DLGAP2: variants seen among roughly 807,000 people sequenced by gnomAD.
The protein encoded by DLGAP2 is disks large-associated protein 2.
A neutral mutation model predicts 100.3 loss-of-function variants in DLGAP2; 26 were observed. The observed-to-expected ratio is 0.26, with a 90% confidence interval of 0.19 to 0.36. The LOEUF is 0.36. Among genes scored for constraint, DLGAP2 ranks in the 10% least tolerant of loss-of-function variants. DLGAP2 has a pLI of 1.00. For synonymous variants in DLGAP2, 886 were observed against 630.1 expected, an observed-to-expected ratio of 1.41 and a Z score of -6.08; for missense variants, 1,858 against 1,453.2, an observed-to-expected ratio of 1.28 and a Z score of -4.53.
intron 1 of DLGAP2, among the ~76,000 whole-genome samples, chr8:823,942 A>T (rs1241540763): frequency 6.6e-6 from 1 of 152,158 alleles, no homozygotes; most frequent in African/African-American, 2.4e-5. Context: ...ATGGAACCCC[A>T]CTTAGCTTTA....
In DLGAP2 at chr8:1,348,656, A is replaced by C. The variant is rs1019905185; in HGVS notation, c.106+89773A>C. ...TCCCACACAGAGCTGCATTGCTCTC[A>C]TGGTGGCTGTGTGGAGGTTGAGTGC... On this transcript the variant is annotated intron_variant, in intron 3 of 14. Transcript: ENST00000637795. Among the ~76,000 whole-genome samples, 13 of 152,292 alleles carry C rather than the reference A, an allele frequency of 8.5e-5. No homozygotes were observed. The South Asian group carries it at 2.7e-3, about 32-fold the overall frequency.
intron 6 of DLGAP2, among the ~76,000 whole-genome samples, chr8:1,581,840 G>T (rs952358892): frequency 7.0e-6 from 1 of 143,062 alleles, no homozygotes. Flanking sequence ...CAGAAGTGAA[G>T]GATACAGACA....
At chr8:1,642,122 G>C (rs1451323863) in intron 8 of DLGAP2, among the ~76,000 whole-genome samples, 2 of 10,124 alleles carry the variant, frequency 2.0e-4, no homozygotes, top group East Asian at 3.2e-3. Context: ...TGTCACCCTC[G>C]ACCCTGCCGG....
At chr8:1,632,789 G>C in intron 7 of DLGAP2, 38 bp from the exon 8 acceptor site, 1 of 1,556,616 alleles carries the variant, frequency 6.4e-7, no homozygotes, top group Non-Finnish European at 8.7e-7. Context: ...GGTGACCCTG[G>C]AGGGCCGGGG....
At chr8:1,050,656 C>CA (rs1802651218) in intron 2 of DLGAP2, among the ~76,000 whole-genome samples, 2 of 152,222 alleles carry the variant, frequency 1.3e-5, no homozygotes, top group African/African-American at 4.8e-5. Flanking sequence ...ATAATTCTTC[C>CA]AACCCAGTCT....
At chr8:1,660,233 C>G (rs1344909369) in intron 8 of DLGAP2, among the ~76,000 whole-genome samples, 2 of 152,154 alleles carry the variant, frequency 1.3e-5, no homozygotes, top group African/African-American at 4.8e-5. Context: ...ATGGGCTTCC[C>G]TTTGTGTGTA....
intron 2 of DLGAP2, among the ~76,000 whole-genome samples, chr8:1,118,580 A>G (rs1354084086): frequency 1.5e-5 from 2 of 129,072 alleles, no homozygotes; most frequent in African/African-American, 2.9e-5. Flanking sequence ...TTTCTTTTTA[A>G]TCAGTAGAAA....
chr8:1,410,832 ATTT>A (rs33928314), intron 3 of DLGAP2, among the ~76,000 whole-genome samples: 27 of 135,228 alleles, frequency 2.0e-4, no homozygotes, highest in African/African-American at 4.6e-4. Context: ...CTCTGGAGCC[ATTT>A]TTTTTTTTTT....
chr8:1,316,362 A>G lies in DLGAP2; in HGVS notation c.106+57479A>G, dbSNP rs1460292826. ...GCCTGTGCGAGTGCAGCGTCTCTCC[A>G]ACGGTGGTCTACACTCGAGAAACTT... On this transcript the variant is annotated intron_variant, in intron 3 of 14. Coordinates refer to ENST00000637795, the MANE Select transcript of DLGAP2 (RefSeq NM_001346810.2). Among the ~76,000 whole-genome samples the G allele has an allele frequency of 2.2e-5, 3 of 134,990 alleles. No homozygotes were observed. In the East Asian group the frequency reaches 6.7e-4, roughly 30 times the overall value. The allele number at this position is 134,990 out of a possible 152,430, so 88.6% of individuals were successfully genotyped here.
rs554081541 is a variant in DLGAP2, at chr8:1,684,887, A to C, written c.2704+6258A>C. 3.9e-5 allele frequency among the ~76,000 whole-genome samples: 6 copies of C among 152,300 alleles called. No individual in the cohort carries two copies. In the East Asian group the frequency reaches 7.7e-4, roughly 20 times the overall value. On this transcript the variant is annotated intron_variant, in intron 12 of 14. Coordinates refer to ENST00000637795, the MANE Select transcript of DLGAP2 (RefSeq NM_001346810.2). ...AAGAACTCACCAAGGGAGCACATGT[A>C]CACACAGGATCTTTCAAACGGTATC...
At chr8:1,615,616 C>T (rs941892945) in intron 6 of DLGAP2, among the ~76,000 whole-genome samples, 1 of 151,124 alleles carries the variant, frequency 6.6e-6, no homozygotes, top group African/African-American at 2.5e-5. Context: ...TGTTAGAATT[C>T]ACCGGAAAGA....
At chr8:1,483,675 G>GGTGCAGGAGGTGGGGACCAGGGAGGCAA (rs1799164453) in intron 3 of DLGAP2, among the ~76,000 whole-genome samples, 1 of 151,288 alleles carries the variant, frequency 6.6e-6, no homozygotes, top group Admixed American at 6.6e-5. Context: ...CAGGGAGGCA[G>GGTGCAGGAGGTGGGGACCAGGGAGGCAA]GTGCAGGAGG....
intron 1 of DLGAP2, among the ~76,000 whole-genome samples, chr8:882,803 G>C (rs898293884): frequency 6.6e-6 from 1 of 152,262 alleles, no homozygotes; most frequent in Non-Finnish European, 1.5e-5. Context: ...CTGGCCCAGC[G>C]GCATCTCTCC....
intron 12 of DLGAP2, among the ~76,000 whole-genome samples, chr8:1,683,995 T>TATAC (rs1563061391): frequency 1.5e-5 from 2 of 130,272 alleles, no homozygotes; most frequent in East Asian, 2.3e-4. Flanking sequence ...TATACTTTTT[T>TATAC]TTTTAAGACG....
intron 2 of DLGAP2, among the ~76,000 whole-genome samples, chr8:1,095,340 G>A (rs1804331911): frequency 6.6e-6 from 1 of 152,190 alleles, no homozygotes. Flanking sequence ...GCCCTCTGCA[G>A]ACCCTGGACA....
chr8:972,919 A>G (rs1250253604), intron 2 of DLGAP2, among the ~76,000 whole-genome samples: 4 of 152,184 alleles, frequency 2.6e-5, no homozygotes, highest in Non-Finnish European at 5.9e-5. Flanking sequence ...GATGTTTCAG[A>G]GACCACCGTG....
intron 3 of DLGAP2, among the ~76,000 whole-genome samples, chr8:1,373,487 T>A (rs913590419): frequency 2.6e-5 from 4 of 152,178 alleles, no homozygotes; most frequent in Admixed American, 2.6e-4. Context: ...CAGGTTTGTG[T>A]TTCTGTGGAC....
chr8:960,510 C>T (rs1271525796), intron 2 of DLGAP2, among the ~76,000 whole-genome samples: 1 of 152,036 alleles, frequency 6.6e-6, no homozygotes, highest in East Asian at 1.9e-4. Context: ...GCTGGGATTA[C>T]AAGCATGGGC....
intron 1 of DLGAP2, among the ~76,000 whole-genome samples, chr8:880,940 T>C (rs1421193362): frequency 1.3e-5 from 2 of 152,244 alleles, no homozygotes; most frequent in Non-Finnish European, 2.9e-5. Context: ...GTCGTATCAC[T>C]TAATATCTAA....
Sources: allele counts gnomAD v4.1 joint callset (sites outside exome capture counted in the v4.1 genomes callset), GRCh38; gene constraint gnomAD v4.1.1; transcripts MANE v1.5; gene names NCBI Gene and HGNC (gene_info 2026-07-23, HGNC 2026-07-21).